Variants in SCAI observed in about 807,000 individuals in gnomAD.
SCAI encodes the protein suppressor of cancer cell invasion, also known as protein SCAI.
In SCAI, 24 loss-of-function variants were observed where a neutral mutation model predicts 92.2. The ratio of observed to expected loss-of-function variants is 0.26; its 90% CI spans 0.19 to 0.37. SCAI has a LOEUF of 0.37. Among genes scored for constraint, SCAI ranks in the 10% least tolerant of loss-of-function variants. The pLI is 1.00. For missense variants in SCAI, 450 were observed against 736.2 expected, an observed-to-expected ratio of 0.61 and a Z score of 4.50; for synonymous variants, 261 against 258.6, an observed-to-expected ratio of 1.01 and a Z score of -0.09.
rs570088468 is a variant in SCAI at position 125,108,481 on chromosome 9, G to A, written c.98+34152C>T. Reference sequence around the variant, plus strand: ...GAGATGTGGGGAGCGCCTCTGCCCCGCCGCCCCGTCTGGGATGTGAGGAGC... The same window carrying A: ...GAGATGTGGGGAGCGCCTCTGCCCCACCGCCCCGTCTGGGATGTGAGGAGC... On this transcript the variant is annotated intron_variant, in intron 2 of 17. Coordinates refer to ENST00000336505, the MANE Select transcript of SCAI (RefSeq NM_001144877.3). Among the ~76,000 whole-genome samples the A allele has an allele frequency of 1.1e-3, 173 of 151,424 alleles. 3 individuals are homozygous for A. The highest frequency in any genetic ancestry group is 1.7e-3 in the South Asian group (8 of 4,780).
At position 124,944,744 on chromosome 9, in the gene SCAI, TG is replaced by T. The variant is rs1164805791; in HGVS notation, c.*8062del. The stretch of plus-strand genomic sequence containing the variant: ...TATTTACTTTTGGGATTCTCATGTA[TG>T]ATCATTTCAAATTTTATACTTATTC... On this transcript the variant is annotated 3_prime_UTR_variant, in exon 18 of 18. Coordinates refer to ENST00000336505, the MANE Select transcript of SCAI (RefSeq NM_001144877.3). 6.6e-6 allele frequency: 1 copy of T among 152,188 alleles called. No homozygotes were observed. Among genetic ancestry groups the T allele is most frequent in the East Asian group, 1.9e-4 (1 of 5,202 alleles). The allele number at this position is 152,188 out of a possible 1,614,324, so 9.4% of individuals were successfully genotyped here.
chr9:124,999,117 G>A (rs953085707), intron 13 of SCAI, among the ~76,000 whole-genome samples: 8 of 151,222 alleles, frequency 5.3e-5, no homozygotes, highest in East Asian at 2.0e-4. Flanking sequence ...GGCCGGGCAC[G>A]GTGGCTCACA....
At chr9:125,086,733 A>G (rs1050749603) in intron 2 of SCAI, among the ~76,000 whole-genome samples, 3 of 152,212 alleles carry the variant, frequency 2.0e-5, no homozygotes, top group African/African-American at 2.4e-5. Context: ...TGGCGTGGGT[A>G]AGAGCACTGG....
intron 2 of SCAI, among the ~76,000 whole-genome samples, chr9:125,074,788 C>G (rs777267575): frequency 6.6e-6 from 1 of 151,536 alleles, no homozygotes; most frequent in East Asian, 2.0e-4. Context: ...GCAGATCACC[C>G]GAAGTCAGGA....
chr9:124,961,332 G>C (rs575104048), intron 17 of SCAI, among the ~76,000 whole-genome samples: 1 of 151,350 alleles, frequency 6.6e-6, no homozygotes, highest in African/African-American at 2.4e-5. Flanking sequence ...GGTGACGTCC[G>C]CAATTTACTT....
intron 2 of SCAI, among the ~76,000 whole-genome samples, chr9:125,062,171 G>C (rs1345901136): frequency 6.6e-6 from 1 of 151,654 alleles, no homozygotes; most frequent in Non-Finnish European, 1.5e-5. Flanking sequence ...TGTTGCCCAG[G>C]CTGGTGTGCA....
chr9:125,021,859 G>C (rs1407691431), intron 6 of SCAI, among the ~76,000 whole-genome samples: 1 of 151,978 alleles, frequency 6.6e-6, no homozygotes, highest in Non-Finnish European at 1.5e-5. Context: ...TCTTGCCTCA[G>C]CCTTCTGAGT....
intron 2 of SCAI, among the ~76,000 whole-genome samples, chr9:125,118,553 G>A (rs921585315): frequency 3.5e-5 from 5 of 143,792 alleles, no homozygotes; most frequent in Admixed American, 6.9e-5. Context: ...AATGACAACA[G>A]GTAATACAGT....
chr9:125,048,233 C>T (rs1358651137), intron 3 of SCAI, among the ~76,000 whole-genome samples: 1 of 152,154 alleles, frequency 6.6e-6, no homozygotes, highest in African/African-American at 2.4e-5. Context: ...ACACCTCAGC[C>T]TCCCAAAGTG....
chr9:124,963,622 T>C (rs1293531568), intron 17 of SCAI, among the ~76,000 whole-genome samples: 1 of 151,410 alleles, frequency 6.6e-6, no homozygotes, highest in Admixed American at 6.6e-5. Flanking sequence ...TGGTGGAACA[T>C]GCCTGTAATC....
intron 2 of SCAI, among the ~76,000 whole-genome samples, chr9:125,122,170 T>G (rs966600650): frequency 1.3e-5 from 2 of 152,252 alleles, no homozygotes; most frequent in Admixed American, 6.5e-5. Context: ...GGAATGTGAT[T>G]ACACTAGGAT....
intron 2 of SCAI, among the ~76,000 whole-genome samples, chr9:125,075,773 C>T (rs1009452074): frequency 6.6e-6 from 1 of 152,156 alleles, no homozygotes; most frequent in African/African-American, 2.4e-5. Context: ...CCATGTTGAC[C>T]AGGCTGGTAT....
chr9:125,075,249 T>C (rs76332987), intron 2 of SCAI, among the ~76,000 whole-genome samples: 1,648 of 152,160 alleles, frequency 0.011, 32 homozygotes, highest in African/African-American at 0.038. Context: ...GAAAATACAA[T>C]GTACTTTCAT....
chr9:125,088,262 G>A (rs1269433400), intron 2 of SCAI, among the ~76,000 whole-genome samples: 2 of 152,078 alleles, frequency 1.3e-5, no homozygotes, highest in Non-Finnish European at 2.9e-5. Context: ...TGCTGATATG[G>A]TTTGGATTTG....
Position 125,019,152 on chromosome 9 carries a change from T to C in SCAI, c.663A>G (p.Gln221=). The C allele has an allele frequency of 6.2e-7, 1 of 1,604,760 alleles. No individual in the cohort carries two copies. The highest frequency in any genetic ancestry group is 8.5e-7 in the Non-Finnish European group (1 of 1,176,718). Reference sequence around the variant, plus strand: ...CTTGAAGCACCAAGTTCCATTCCACTTGATCTTCAGTATTAAATCGGTGAG... The same window carrying C: ...CTTGAAGCACCAAGTTCCATTCCACCTGATCTTCAGTATTAAATCGGTGAG... ...DYTHRFNTED[Q]VEWNLVLQEV... The change falls in exon 8 of 18, where the codon CAA becomes CAG. Residue 221 remains glutamine, a synonymous_variant. Transcript: ENST00000336505.
At chr9:124,954,631 C>G (rs560603850) in intron 17 of SCAI, among the ~76,000 whole-genome samples, 99 of 152,200 alleles carry the variant, frequency 6.5e-4, no homozygotes, top group African/African-American at 2.3e-3. Context: ...TACAATTCAC[C>G]CATTTAAAGT....
At chr9:124,997,968 A>T (rs1042842697) in intron 13 of SCAI, among the ~76,000 whole-genome samples, 20 of 151,582 alleles carry the variant, frequency 1.3e-4, no homozygotes, top group East Asian at 5.8e-4. Context: ...ATTTAAAAAA[A>T]TTTTTTTTTA....
At position 124,962,456 on chromosome 9, in the gene SCAI, C is replaced by T. The variant is rs766379600; in HGVS notation, c.1674+8914G>A. On this transcript the variant is annotated intron_variant, in intron 17 of 17. Transcript: ENST00000336505. ...GATTACAGGTGTGAGCTACTGTGCC[C>T]GGTCTGTAAGTATGTCTTATAGCAA... Among the ~76,000 whole-genome samples, 6 of 151,828 alleles carry T rather than the reference C, an allele frequency of 4.0e-5. No homozygotes were observed. In the East Asian group the frequency reaches 5.8e-4, roughly 15 times the overall value.
At chr9:125,019,598 G>A (rs534394471) in intron 7 of SCAI, among the ~76,000 whole-genome samples, 164 of 151,888 alleles carry the variant, frequency 1.1e-3, no homozygotes, top group Non-Finnish European at 1.7e-3. Context: ...CCAAGATTTC[G>A]AGAGCAGCCT....
Sources: gnomAD v4.1 joint callset for allele counts (sites outside exome capture counted in the v4.1 genomes callset) on GRCh38, gnomAD v4.1.1 for gene constraint, MANE v1.5 for transcripts, NCBI Gene and HGNC (gene_info 2026-07-23, HGNC 2026-07-21) for gene names.